Variants in UGP2 observed in about 807,000 individuals in gnomAD.
UGP2 encodes UDP-glucose pyrophosphorylase 2, also known as UTP--glucose-1-phosphate uridylyltransferase.
Under a neutral mutation model 49.0 loss-of-function variants are expected in UGP2, and 40 were observed. The observed-to-expected ratio is 0.82, with a 90% CI of 0.63 to 1.06. The LOEUF is 1.06. Ranked by LOEUF, UGP2 falls within the 50% of genes least tolerant of loss-of-function variation. The probability of loss-of-function intolerance (pLI) is 0.00; values close to 1 mark genes in which losing one functional copy is unlikely to be tolerated. For synonymous variants in UGP2, 225 were observed against 213.0 expected (o/e 1.06, Z -0.49); for missense variants, 460 against 603.5 (o/e 0.76, Z 2.49).
intron 8 of UGP2, 172 bp downstream of exon 8, chr2:63,887,816 C>CT: frequency 1.1e-6 from 1 of 906,418 alleles, no homozygotes; most frequent in Non-Finnish European, 1.6e-6. Flanking sequence ...TATTTTACTT[C>CT]ACATTTGAAA....
At chr2:63,841,826 G>C, upstream of UGP2, 1 of 199,698 alleles carries the variant, frequency 5.0e-6, no homozygotes. Flanking sequence ...ACTTGGGGGC[G>C]GTGAAATAGC....
chr2:63,859,804 A>C (rs1031135684), intron 3 of UGP2, among the ~76,000 whole-genome samples: 6 of 152,248 alleles, frequency 3.9e-5, no homozygotes, highest in African/African-American at 7.2e-5. Context: ...TCTTCAGAAA[A>C]TGTATTTGCA....
chr2:63,883,885 A>G lies in UGP2; in HGVS notation c.442-75A>G, dbSNP rs1262508163. On this transcript the variant is annotated intron_variant, in intron 4 of 9. Coordinates refer to ENST00000337130, the MANE Select transcript of UGP2 (RefSeq NM_006759.4). ...GTTTTAGATATTTTATGATTTAACC[A>G]TTAAGAACTAATTTTGCATATTTGA... is the stretch of plus-strand genomic sequence containing the variant. The G allele has an allele frequency of 3.3e-6, 5 of 1,516,012 alleles. No homozygotes were observed. The African/African-American group carries it at 4.2e-5, about 13-fold the overall frequency. 93.9% of individuals were successfully genotyped at this position (1,516,012 alleles called of 1,614,324 possible).
intron 1 of UGP2, among the ~76,000 whole-genome samples, chr2:63,844,811 C>G (rs1280314057): frequency 6.6e-6 from 1 of 152,176 alleles, no homozygotes; most frequent in African/African-American, 2.4e-5. Context: ...ATCTTCTAGC[C>G]TCAGCCTCCC....
chr2:63,852,634 A>G (rs1051862138), intron 1 of UGP2, among the ~76,000 whole-genome samples: 2 of 152,206 alleles, frequency 1.3e-5, no homozygotes, highest in South Asian at 4.1e-4. Flanking sequence ...CCTTGGCACT[A>G]TTAGATTAGA....
chr2:63,861,567 A>G (rs925874225), intron 3 of UGP2, among the ~76,000 whole-genome samples: 14 of 151,412 alleles, frequency 9.2e-5, no homozygotes, highest in Non-Finnish European at 1.9e-4. Context: ...ATCTACCTGT[A>G]GTCCCAGCTA....
intron 1 of UGP2, chr2:63,842,454 C>A: frequency 6.5e-7 from 1 of 1,546,400 alleles, no homozygotes; most frequent in Non-Finnish European, 8.7e-7. Context: ...AGTACCGTCG[C>A]TTTCCTGGAT....
chr2:63,882,618 T>A lies in UGP2; in HGVS notation c.408T>A (p.Asn136Lys), dbSNP rs1233849801. 1 of 1,599,730 alleles carries A rather than the reference T, an allele frequency of 6.3e-7. No homozygotes were observed. Among genetic ancestry groups the A allele is most frequent in the African/African-American group, 1.3e-5 (1 of 74,748 alleles). The change falls in exon 4 of 10, where the codon AAT becomes AAA. Residue 136 changes from asparagine to lysine, a missense_variant. Transcript: ENST00000337130. ...PKSLIGVRNE[N>K]TFLDLTVQQI... ...GTCTGATTGGTGTGAGGAATGAGAATACCTTTCTGGATCTGACTGTTCAGC... is the reference window on the plus strand; with the variant it reads ...GTCTGATTGGTGTGAGGAATGAGAAAACCTTTCTGGATCTGACTGTTCAGC...
chr2:63,873,081 A>G (rs145141306), intron 3 of UGP2, among the ~76,000 whole-genome samples: 3 of 152,350 alleles, frequency 2.0e-5, no homozygotes, highest in Admixed American at 1.3e-4. Context: ...TCAAAGATAC[A>G]GGACACACAT....
upstream of UGP2, among the ~76,000 whole-genome samples, chr2:63,841,448 G>A (rs1266988479): frequency 1.3e-5 from 2 of 152,114 alleles, no homozygotes; most frequent in Non-Finnish European, 1.5e-5. Flanking sequence ...GCCTCTAGCC[G>A]GTGACCCCTT....
intron 1 of UGP2, among the ~76,000 whole-genome samples, chr2:63,848,504 T>C (rs891209718): frequency 2.0e-5 from 3 of 152,156 alleles, no homozygotes; most frequent in Admixed American, 6.5e-5. Context: ...GCTGGAATTA[T>C]AGGTGCACGC....
chr2:63,877,483 C>T (rs181998822), intron 3 of UGP2, among the ~76,000 whole-genome samples: 5 of 152,324 alleles, frequency 3.3e-5, no homozygotes, highest in African/African-American at 9.6e-5. Flanking sequence ...TTTATATTAC[C>T]TTATTTTGTG....
chr2:63,889,817 T>TAAAAA, intron 8 of UGP2: 2 of 237,352 alleles, frequency 8.4e-6, no homozygotes, highest in Non-Finnish European at 1.6e-5. Context: ...TGATTATCTT[T>TAAAAA]AAAAAAAAAA....
rs72808230 is a variant in UGP2 at position 63,871,025 on chromosome 2, T to C, written c.256-11441T>C. Among the ~76,000 whole-genome samples, 898 of 152,362 alleles carry C rather than the reference T, an allele frequency of 5.9e-3. 7 individuals are homozygous for C. The highest frequency in any genetic ancestry group is 9.6e-3 in the Non-Finnish European group (656 of 68,032). ...GCACATACACACACAAAATATTTTT[T>C]AAATTAAATTTTAAATTGTAAAATA... On this transcript the variant is annotated intron_variant, in intron 3 of 9. Coordinates refer to ENST00000337130, the MANE Select transcript of UGP2 (RefSeq NM_006759.4).
intron 3 of UGP2, among the ~76,000 whole-genome samples, chr2:63,866,258 A>G (rs1030593956): frequency 6.6e-6 from 1 of 152,254 alleles, no homozygotes; most frequent in Admixed American, 6.5e-5. Context: ...GGGTCAACAG[A>G]TTCGTGCTAT....
intron 8 of UGP2, chr2:63,889,389 A>G (rs1478728551): frequency 1.3e-5 from 2 of 152,114 alleles, no homozygotes; most frequent in Non-Finnish European, 2.9e-5. Context: ...CTGAAACAAC[A>G]CTTGATAGGC....
At chr2:63,853,817 T>G (rs1575807782) in intron 1 of UGP2, among the ~76,000 whole-genome samples, 1 of 152,158 alleles carries the variant, frequency 6.6e-6, no homozygotes, top group African/African-American at 2.4e-5. Context: ...CCCATGATGT[T>G]GAAATTTTAG....
intron 3 of UGP2, among the ~76,000 whole-genome samples, chr2:63,862,386 T>C (rs963199261): frequency 6.6e-6 from 1 of 152,132 alleles, no homozygotes; most frequent in Non-Finnish European, 1.5e-5. Context: ...GCTTCAACTT[T>C]TGATTTCATG....
chr2:63,844,121 T>C (rs1575794580), intron 1 of UGP2, among the ~76,000 whole-genome samples: 5 of 152,366 alleles, frequency 3.3e-5, no homozygotes, highest in Admixed American at 3.3e-4. Flanking sequence ...TGCACAAGAA[T>C]ATGACACCTC....
Sources: allele counts gnomAD v4.1 joint callset (sites outside exome capture counted in the v4.1 genomes callset), GRCh38; gene constraint gnomAD v4.1.1; transcripts MANE v1.5; gene names NCBI Gene and HGNC (gene_info 2026-07-23, HGNC 2026-07-21).